The following AGBL1 variants were observed in gnomAD, a reference collection of about 807,000 sequenced individuals.
AGBL1 encodes cytosolic carboxypeptidase 4.
A neutral mutation model predicts 118.9 loss-of-function variants in AGBL1; 130 were observed. The ratio of observed to expected loss-of-function variants is 1.09; its 90% CI spans 0.95 to 1.26. AGBL1 has a LOEUF of 1.26. AGBL1 is among the 50% of genes most tolerant of loss of function. The pLI is 0.00. For synonymous variants in AGBL1, 555 were observed against 478.9 expected, an observed-to-expected ratio of 1.16 and a Z score of -2.08; for missense variants, 1,584 against 1,298.1, an observed-to-expected ratio of 1.22 and a Z score of -3.38.
intron 21 of AGBL1, among the ~76,000 whole-genome samples, chr15:86,629,906 C>T (rs1416455249): frequency 6.6e-6 from 1 of 152,182 alleles, no homozygotes; most frequent in Non-Finnish European, 1.5e-5. Flanking sequence ...GGTCATTACC[C>T]TTCTGTTATA....
chr15:86,896,397 T>A (rs1596605857), intron 22 of AGBL1, among the ~76,000 whole-genome samples: 1 of 146,576 alleles, frequency 6.8e-6, no homozygotes, highest in East Asian at 2.0e-4. Flanking sequence ...ACCCTGGGTT[T>A]AAAAAAAAAA....
chr15:86,427,041 C>T (rs2081876185), intron 18 of AGBL1, among the ~76,000 whole-genome samples: 1 of 152,178 alleles, frequency 6.6e-6, no homozygotes, highest in Admixed American at 6.5e-5. Flanking sequence ...GCTGAGATTA[C>T]AGGCATGAGC....
At chr15:86,811,412 G>C (rs1052317735) in intron 22 of AGBL1, among the ~76,000 whole-genome samples, 8 of 152,128 alleles carry the variant, frequency 5.3e-5, no homozygotes, top group African/African-American at 1.9e-4. Context: ...TGTGACCGTG[G>C]TTCTTTTTGG....
intron 21 of AGBL1, among the ~76,000 whole-genome samples, chr15:86,593,118 T>C (rs1363061323): frequency 6.6e-6 from 1 of 152,196 alleles, no homozygotes; most frequent in Non-Finnish European, 1.5e-5. Flanking sequence ...TTTATTTTAT[T>C]GTTCAAGTTG....
At chr15:86,437,147 G>C (rs1187901531) in intron 18 of AGBL1, among the ~76,000 whole-genome samples, 4 of 152,150 alleles carry the variant, frequency 2.6e-5, no homozygotes, top group Admixed American at 6.5e-5. Flanking sequence ...AGGACACTGA[G>C]GGTGTGTAAG....
intron 18 of AGBL1, among the ~76,000 whole-genome samples, chr15:86,503,275 A>G (rs894636130): frequency 6.6e-6 from 1 of 151,454 alleles, no homozygotes; most frequent in African/African-American, 2.4e-5. Context: ...CAGTAAGGTC[A>G]TTAGTAATGT....
chr15:86,254,461 G>A (rs2078863842), intron 7 of AGBL1, among the ~76,000 whole-genome samples: 1 of 152,218 alleles, frequency 6.6e-6, no homozygotes, highest in African/African-American at 2.4e-5. Context: ...ACTTTACCTT[G>A]CCTATGTATC....
chr15:86,685,299 G>A (rs2086033427), intron 22 of AGBL1, among the ~76,000 whole-genome samples: 1 of 152,102 alleles, frequency 6.6e-6, no homozygotes, highest in Non-Finnish European at 1.5e-5. Context: ...GTTCTAGTAA[G>A]CCAGAAAAAT....
chr15:87,015,873 G>A (rs1390816091), intron 24 of AGBL1, among the ~76,000 whole-genome samples: 1 of 152,066 alleles, frequency 6.6e-6, no homozygotes, highest in Non-Finnish European at 1.5e-5. Flanking sequence ...ATGCCTTTAA[G>A]GTATACTACC....
At chr15:86,764,232 T>C (rs1340938082) in intron 22 of AGBL1, among the ~76,000 whole-genome samples, 1 of 151,820 alleles carries the variant, frequency 6.6e-6, no homozygotes, top group East Asian at 1.9e-4. Flanking sequence ...GCAGGGGAGA[T>C]AAAGGAGAAA....
intron 21 of AGBL1, among the ~76,000 whole-genome samples, chr15:86,645,885 A>G (rs1350371925): frequency 6.6e-6 from 1 of 152,248 alleles, no homozygotes; most frequent in Non-Finnish European, 1.5e-5. Context: ...CATTAGGACA[A>G]CAAAGTTCAA....
chr15:86,901,966 A>T (rs1390190856), intron 22 of AGBL1, among the ~76,000 whole-genome samples: 1 of 152,088 alleles, frequency 6.6e-6, no homozygotes, highest in Non-Finnish European at 1.5e-5. Flanking sequence ...CTTGTGGCTG[A>T]GTCGTTTTTC....
intron 5 of AGBL1, among the ~76,000 whole-genome samples, chr15:86,186,787 T>G (rs2077640134): frequency 6.6e-6 from 1 of 152,206 alleles, no homozygotes; most frequent in Admixed American, 6.5e-5. Flanking sequence ...TTATTTAATT[T>G]TCACATCACT....
chr15:86,490,240 G>T (rs942055262), intron 18 of AGBL1, among the ~76,000 whole-genome samples: 1 of 152,032 alleles, frequency 6.6e-6, no homozygotes, highest in African/African-American at 2.4e-5. Flanking sequence ...CCCTCCCCTT[G>T]CTCTTTCATC....
intron 21 of AGBL1, among the ~76,000 whole-genome samples, chr15:86,657,794 G>A (rs888008150): frequency 2.6e-5 from 4 of 151,728 alleles, no homozygotes; most frequent in African/African-American, 9.7e-5. Flanking sequence ...GACAAAATGG[G>A]CTACTGGCCT....
intron 18 of AGBL1, among the ~76,000 whole-genome samples, chr15:86,400,636 G>C (rs564733854): frequency 2.8e-5 from 4 of 142,972 alleles, no homozygotes; most frequent in African/African-American, 1.1e-4. Context: ...AGTCCCCAAA[G>C]TCCAGTATAT....
At chr15:86,941,398 T>C (rs2080749892) in intron 23 of AGBL1, among the ~76,000 whole-genome samples, 1 of 152,104 alleles carries the variant, frequency 6.6e-6, no homozygotes, top group African/African-American at 2.4e-5. Context: ...AATCAGGAAT[T>C]AGGTCACTGG....
intron 1 of AGBL1, among the ~76,000 whole-genome samples, chr15:86,080,586 C>G (rs1268972087): frequency 6.6e-6 from 1 of 152,180 alleles, no homozygotes; most frequent in Non-Finnish European, 1.5e-5. Context: ...ACTGCCTTCT[C>G]CCTGGGGGAT....
chr15:86,183,951 C>CACT (rs1242966285), intron 5 of AGBL1, among the ~76,000 whole-genome samples: 1 of 152,174 alleles, frequency 6.6e-6, no homozygotes, highest in African/African-American at 2.4e-5. Context: ...GGCAGCCACC[C>CACT]ACTAATCCTC....
Sources: gnomAD v4.1 joint callset for allele counts (sites outside exome capture counted in the v4.1 genomes callset) on GRCh38, gnomAD v4.1.1 for gene constraint, MANE v1.5 for transcripts, NCBI Gene and HGNC (gene_info 2026-07-23, HGNC 2026-07-21) for gene names.